Variants in APOBEC3G observed in about 807,000 individuals in gnomAD.
APOBEC3G encodes DNA dC->dU-editing enzyme APOBEC-3G.
APOBEC3G carries 44 observed loss-of-function variants against 50.0 expected under a neutral mutation model. That is an observed-to-expected ratio of 0.88 (90% CI 0.69 to 1.13). APOBEC3G has a LOEUF of 1.13. Ranked by LOEUF, APOBEC3G falls within the 50% of genes most tolerant of loss-of-function variation. The pLI is 0.00. For missense variants in APOBEC3G, 469 were observed against 492.0 expected (o/e 0.95, Z 0.44); for synonymous variants, 156 against 175.3 (o/e 0.89, Z 0.87).
In APOBEC3G at chr22:39,087,724, A is replaced by C; in HGVS notation, c.*303A>C. 2.2e-6 allele frequency: 1 copy of C among 455,170 alleles called. No homozygotes were observed. Among genetic ancestry groups the C allele is most frequent in the South Asian group, 2.8e-5 (1 of 35,358 alleles). The allele number at this position is 455,170 out of a possible 1,614,324, so 28.2% of individuals were successfully genotyped here. On this transcript the variant is annotated 3_prime_UTR_variant, in exon 8 of 8. Coordinates refer to ENST00000407997, the MANE Select transcript of APOBEC3G (RefSeq NM_021822.4). ...GTTTTGTAGGTAGAGGAATAAAATG[A>C]AATACTAAATCTTTCTGTATATGTT...
chr22:39,080,877 CTG>C, intron 2 of APOBEC3G, 54 bp from the exon 3 acceptor site: 2 of 1,456,792 alleles, frequency 1.4e-6, no homozygotes, highest in South Asian at 1.3e-5. Context: ...TGCCCCACCC[CTG>C]CTCTCCTCCT....
chr22:39,080,148 C>T (rs751375085), intron 2 of APOBEC3G: 16 of 488,572 alleles, frequency 3.3e-5, no homozygotes, highest in Non-Finnish European at 3.9e-5. Context: ...TCACCCCCCC[C>T]GACATGGACA....
At chr22:39,077,085 C>T (rs1928182751), upstream of APOBEC3G, 1 of 588,986 alleles carries the variant, frequency 1.7e-6, no homozygotes, top group African/African-American at 1.9e-5. Context: ...TTGCAATTGC[C>T]TTGGGTCCTG....
At chr22:39,080,745 A>G in intron 2 of APOBEC3G, 188 bp from the exon 3 acceptor site, 2 of 615,224 alleles carry the variant, frequency 3.3e-6, no homozygotes, top group Non-Finnish European at 5.7e-6. Flanking sequence ...GGCCATTACC[A>G]TAGCAATTAA....
intron 2 of APOBEC3G, 169 bp from the exon 3 acceptor site, chr22:39,080,764 A>G (rs990931706): frequency 7.6e-6 from 5 of 653,886 alleles, no homozygotes; most frequent in Non-Finnish European, 1.1e-5. Context: ...AATACTGAAC[A>G]TGAGCTTTGG....
chr22:39,083,652 A>C (rs1366423400), intron 4 of APOBEC3G, 79 bp from the exon 5 acceptor site: 1 of 1,512,072 alleles, frequency 6.6e-7, no homozygotes, highest in African/African-American at 1.4e-5. Context: ...GGTGCAAGGG[A>C]GGAAGCGTGG....
chr22:39,080,856 C>T, intron 2 of APOBEC3G, 77 bp from the exon 3 acceptor site: 1 of 1,239,960 alleles, frequency 8.1e-7, no homozygotes, highest in Non-Finnish European at 1.1e-6. Context: ...TGTCCTGGCC[C>T]CTCCTCCCCC....
intron 5 of APOBEC3G, 46 bp downstream of exon 5, chr22:39,083,930 A>G: frequency 4.4e-6 from 7 of 1,596,382 alleles, no homozygotes; most frequent in Non-Finnish European, 6.0e-6. Flanking sequence ...CTCCCAACCC[A>G]GGGACACCCA....
At position 39,079,100 on chromosome 22, in the gene APOBEC3G, C is replaced by T. The variant is rs565345920; in HGVS notation, c.171+15C>T. ...TTCGAGGCCAGGTACCACCCGGACT[C>T]CAATCACTTTGCAGGCAGGAGCTAA... On this transcript the variant is annotated intron_variant, in intron 2 of 7. Coordinates refer to ENST00000407997, the MANE Select transcript of APOBEC3G (RefSeq NM_021822.4). 180 of 1,613,246 alleles carry T rather than the reference C, an allele frequency of 1.1e-4. No individual in the cohort carries two copies. The highest frequency in any genetic ancestry group is 8.6e-4 in the South Asian group (78 of 90,944).
intron 5 of APOBEC3G, 51 bp downstream of exon 5, chr22:39,083,935 C>A: frequency 1.3e-6 from 2 of 1,587,504 alleles, no homozygotes; most frequent in Non-Finnish European, 8.6e-7. Flanking sequence ...AACCCAGGGA[C>A]ACCCATGGGC....
chr22:39,086,603 C>T (rs1928708413), intron 6 of APOBEC3G, 36 bp downstream of exon 6: 1 of 1,561,010 alleles, frequency 6.4e-7, no homozygotes, highest in African/African-American at 1.4e-5. Context: ...TGGGGTCAGC[C>T]AGGGCAGGAG....
In APOBEC3G at chr22:39,079,010, C is replaced by T. The variant is rs759615077; in HGVS notation, c.96C>T (p.Thr32=). The change falls in exon 2 of 8, where the codon ACC becomes ACT. Residue 32 remains threonine, a synonymous_variant. Coordinates refer to ENST00000407997, the MANE Select transcript of APOBEC3G (RefSeq NM_021822.4). ...GACCCATCCTTTCTCGTCGGAATAC[C>T]GTCTGGCTGTGCTACGAAGTGAAAA... is the stretch of plus-strand genomic sequence containing the variant. ...YNRPILSRRN[T]VWLCYEVKTK... 87 of 1,614,078 alleles carry T rather than the reference C, an allele frequency of 5.4e-5. No individual in the cohort carries two copies. The highest frequency in any genetic ancestry group is 4.2e-4 in the Admixed American group (25 of 60,010).
chr22:39,081,828 G>A, intron 4 of APOBEC3G: 1 of 464,002 alleles, frequency 2.2e-6, no homozygotes, highest in South Asian at 2.7e-5. Context: ...TCTGCCTCCA[G>A]AGCAACCTCC....
Position 39,086,330 on chromosome 22 carries a change from C to G in APOBEC3G, c.787C>G (p.Leu263Val). ...LEGRHAELCFLDVIPFWKLDL... is the reference protein window; with the variant it reads ...LEGRHAELCFVDVIPFWKLDL... ...AGGCCGCCATGCAGAGCTGTGCTTC[C>G]TGGACGTGATTCCCTTTTGGAAGCT... Residue 263 changes from leucine to valine, a missense_variant, in exon 6 of 8, where the codon CTG (leucine) becomes GTG (valine). Leu to Val is a conservative substitution (Grantham distance 32). Transcript: ENST00000407997. 1 of 1,613,396 alleles carries G rather than the reference C, an allele frequency of 6.2e-7. No homozygotes were observed.
chr22:39,077,344 G>T lies in APOBEC3G; in HGVS notation c.-18G>T. 1 of 1,573,724 alleles carries T rather than the reference G, an allele frequency of 6.4e-7. No homozygotes were observed. Among genetic ancestry groups the T allele is most frequent in the East Asian group, 2.3e-5 (1 of 43,204 alleles). ...GGTGCTCCAGACAAAGATCTTAGTCGGGACTAGCCGGCCAAGGATGAAGCC... is the reference window on the plus strand; with the variant it reads ...GGTGCTCCAGACAAAGATCTTAGTCTGGACTAGCCGGCCAAGGATGAAGCC... On this transcript the variant is annotated 5_prime_UTR_variant, in exon 1 of 8. Coordinates refer to ENST00000407997, the MANE Select transcript of APOBEC3G (RefSeq NM_021822.4).
intron 4 of APOBEC3G, chr22:39,082,599 G>A (rs1440312286): frequency 6.6e-6 from 1 of 152,228 alleles, no homozygotes; most frequent in East Asian, 1.9e-4. Flanking sequence ...ACTCCAGCCT[G>A]GGCAAAAAAG....
chr22:39,087,404 C>T lies in APOBEC3G; in HGVS notation c.1141-3C>T. ...GCTCCATTCAACCTCCCTGCTCTTC[C>T]AGAATCAGGAAAACTGAAGGATGGG... On this transcript the variant is annotated splice_polypyrimidine_tract_variant and splice_region_variant and intron_variant, in intron 7 of 7. Coordinates refer to ENST00000407997, the MANE Select transcript of APOBEC3G (RefSeq NM_021822.4). 6.2e-7 allele frequency: 1 copy of T among 1,614,064 alleles called. No homozygotes were observed. Among genetic ancestry groups the T allele is most frequent in the South Asian group, 1.1e-5 (1 of 91,076 alleles).
chr22:39,077,415 T>C (rs765360317), intron 1 of APOBEC3G, 37 bp downstream of exon 1: 1 of 1,571,346 alleles, frequency 6.4e-7, no homozygotes, highest in Non-Finnish European at 8.6e-7. Flanking sequence ...GCCCCTCTGC[T>C]GCCCCTTCTT....
intron 4 of APOBEC3G, chr22:39,082,125 G>A (rs770569511): frequency 6.4e-6 from 1 of 156,674 alleles, no homozygotes; most frequent in East Asian, 1.9e-4. Flanking sequence ...CCAAGGTGGA[G>A]GGGTGGGCGG....
Sources: allele counts gnomAD v4.1 joint callset, GRCh38; gene constraint gnomAD v4.1.1; transcripts MANE v1.5; gene names NCBI Gene and HGNC (gene_info 2026-07-23, HGNC 2026-07-21).